PIK3C2G: variants seen among roughly 807,000 people sequenced by gnomAD.
PIK3C2G encodes the protein phosphatidylinositol 3-kinase C2 domain-containing subunit gamma.
A neutral mutation model predicts 181.1 loss-of-function variants in PIK3C2G; 168 were observed. That is an observed-to-expected ratio of 0.93 (90% CI 0.82 to 1.05). The LOEUF is 1.05. Among genes scored for constraint, PIK3C2G ranks in the 50% least tolerant of loss-of-function variants. The pLI is 0.00. For missense variants in PIK3C2G, 1,869 were observed against 1,732.8 expected, an observed-to-expected ratio of 1.08 and a Z score of -1.40; for synonymous variants, 573 against 592.2, an observed-to-expected ratio of 0.97 and a Z score of 0.47.
chr12:18,362,212 C>T (rs562816632), intron 11 of PIK3C2G, among the ~76,000 whole-genome samples: 33 of 152,210 alleles, frequency 2.2e-4, no homozygotes, highest in Non-Finnish European at 4.0e-4. Context: ...TAGTAAAAAC[C>T]ATCATCTTTG....
At chr12:18,284,236 AGAGACTGAGCT>A (rs1949345750) in intron 2 of PIK3C2G, among the ~76,000 whole-genome samples, 1 of 152,166 alleles carries the variant, frequency 6.6e-6, no homozygotes, top group Non-Finnish European at 1.5e-5. Flanking sequence ...AAATTAGAGA[AGAGACTGAGCT>A]GAGCGCTTCA....
rs766904311 is a variant in PIK3C2G, at chr12:18,555,673, A to AT, written c.3591-7022dup. On this transcript the variant is annotated intron_variant, in intron 26 of 32. Transcript: ENST00000538779. Reference sequence around the variant, plus strand: ...TCCTTGGCAGCTAGAAATATGTTACATTTTTTTTACCTAAGGGTTATTTCT... The same window carrying AT: ...TCCTTGGCAGCTAGAAATATGTTACATTTTTTTTTACCTAAGGGTTATTTCT... Among the ~76,000 whole-genome samples the AT allele has an allele frequency of 3.3e-5, 5 of 151,990 alleles. No homozygotes were observed. In the South Asian group the frequency reaches 6.2e-4, roughly 19 times the overall value.
the PIK3C2G span, chr12:18,719,582 A>G: frequency 6.2e-7 from 1 of 1,606,938 alleles, no homozygotes; most frequent in Non-Finnish European, 8.5e-7. Context: ...CATTCACGTG[A>G]ATCCATGTAT....
intron 30 of PIK3C2G, among the ~76,000 whole-genome samples, chr12:18,597,753 T>C (rs34473800): frequency 0.16 from 23,930 of 151,456 alleles, 2,096 homozygotes; most frequent in South Asian, 0.21. Flanking sequence ...AAAACCCCAT[T>C]GTCTCAGCCC....
intron 18 of PIK3C2G, among the ~76,000 whole-genome samples, chr12:18,429,027 A>C (rs1417793766): frequency 6.6e-6 from 1 of 152,094 alleles, no homozygotes; most frequent in Non-Finnish European, 1.5e-5. Flanking sequence ...GAAACCTGTG[A>C]TTTGTGAATG....
At chr12:18,359,959 T>C (rs574575391) in intron 11 of PIK3C2G, among the ~76,000 whole-genome samples, 1 of 152,192 alleles carries the variant, frequency 6.6e-6, no homozygotes, top group Non-Finnish European at 1.5e-5. Flanking sequence ...TTTAATCTGT[T>C]TACTTTTAAA....
intron 8 of PIK3C2G, among the ~76,000 whole-genome samples, chr12:18,326,343 G>A (rs1425674538): frequency 6.6e-6 from 1 of 152,138 alleles, no homozygotes; most frequent in Non-Finnish European, 1.5e-5. Context: ...AGAATATTGT[G>A]AGTCAGGGAA....
rs771781543 is a variant in PIK3C2G, at chr12:18,424,051, TA to T, written c.2504+15del. ...CATCGTCTTTACTGGTAAGATTAAC[TA>T]AATCAGGCAAGGATGCCTTTTTAAT... On this transcript the variant is annotated intron_variant, in intron 18 of 32. Transcript: ENST00000538779. 2 of 1,558,362 alleles carry T rather than the reference TA, an allele frequency of 1.3e-6. No homozygotes were observed. Among genetic ancestry groups the T allele is most frequent in the South Asian group, 2.3e-5 (2 of 88,060 alleles).
intron 32 of PIK3C2G, among the ~76,000 whole-genome samples, chr12:18,644,058 G>T (rs533673093): frequency 6.6e-6 from 1 of 152,032 alleles, no homozygotes; most frequent in African/African-American, 2.4e-5. Context: ...GAGATGAGAG[G>T]GGCTGGGTCG....
chr12:18,450,875 T>C (rs1481874144), intron 18 of PIK3C2G, among the ~76,000 whole-genome samples: 1 of 152,170 alleles, frequency 6.6e-6, no homozygotes, highest in Non-Finnish European at 1.5e-5. Flanking sequence ...TTGTCAAAGA[T>C]CAGATGGTAG....
At chr12:18,265,928 C>T (rs1187756652) in intron 1 of PIK3C2G, among the ~76,000 whole-genome samples, 3 of 144,264 alleles carry the variant, frequency 2.1e-5, no homozygotes, top group South Asian at 2.2e-4. Context: ...GCAGAAGAAT[C>T]GCTTGAACCC....
chr12:18,415,956 GA>G (rs1945152048), intron 16 of PIK3C2G, among the ~76,000 whole-genome samples: 1 of 152,134 alleles, frequency 6.6e-6, no homozygotes, highest in African/African-American at 2.4e-5. Context: ...TAAGGTTTAA[GA>G]AAAAAGCCGG....
intron 16 of PIK3C2G, among the ~76,000 whole-genome samples, chr12:18,419,690 G>A (rs1406762697): frequency 1.3e-5 from 2 of 152,158 alleles, no homozygotes; most frequent in Admixed American, 1.3e-4. Flanking sequence ...TACTGGAAAT[G>A]TACTTGCAGG....
intron 16 of PIK3C2G, 116 bp downstream of exon 16, chr12:18,399,963 T>A (rs1348296071): frequency 1.9e-6 from 1 of 526,502 alleles, no homozygotes; most frequent in East Asian, 3.2e-5. Flanking sequence ...TTTTGATAGT[T>A]ATGGATATTA....
chr12:18,715,363 TAATTA>T, the PIK3C2G span, among the ~76,000 whole-genome samples: 1 of 151,934 alleles, frequency 6.6e-6, no homozygotes, highest in Non-Finnish European at 1.5e-5. Context: ...TTATTAAGAA[TAATTA>T]AATTCTTAAT....
downstream of PIK3C2G, among the ~76,000 whole-genome samples, chr12:18,652,462 C>T (rs981340547): frequency 5.3e-5 from 8 of 152,086 alleles, no homozygotes; most frequent in African/African-American, 1.7e-4. Flanking sequence ...TCAAAAGGAA[C>T]CAACCATTGA....
intron 11 of PIK3C2G, among the ~76,000 whole-genome samples, chr12:18,357,485 T>C (rs1940855320): frequency 6.6e-6 from 1 of 152,348 alleles, no homozygotes; most frequent in Non-Finnish European, 1.5e-5. Context: ...CAAATTCTCA[T>C]TCAATTTAAA....
intron 5 of PIK3C2G, among the ~76,000 whole-genome samples, chr12:18,305,353 A>G (rs1407224847): frequency 1.3e-5 from 2 of 152,170 alleles, no homozygotes; most frequent in African/African-American, 4.8e-5. Context: ...TAAAAAGCTG[A>G]ATTGCACAAG....
chr12:18,322,921 G>A (rs547280595), intron 7 of PIK3C2G, among the ~76,000 whole-genome samples: 1 of 152,138 alleles, frequency 6.6e-6, no homozygotes, highest in Non-Finnish European at 1.5e-5. Flanking sequence ...ACCCAGGGGT[G>A]GGGGGAACAG....
Sources: allele counts gnomAD v4.1 joint callset (sites outside exome capture counted in the v4.1 genomes callset), GRCh38; gene constraint gnomAD v4.1.1; transcripts MANE v1.5; gene names NCBI Gene and HGNC (gene_info 2026-07-23, HGNC 2026-07-21).